The following FSTL4 variants were observed in gnomAD, a reference collection of about 807,000 sequenced individuals.
The protein encoded by FSTL4 is follistatin-related protein 4.
A neutral mutation model predicts 78.2 loss-of-function variants in FSTL4; 28 were observed. The observed-to-expected ratio is 0.36, with a 90% CI of 0.27 to 0.49. FSTL4 has a LOEUF of 0.49. Ranked by LOEUF, FSTL4 falls within the 20% of genes least tolerant of loss-of-function variation. FSTL4 has a pLI of 0.98. For missense variants in FSTL4, 922 were observed against 1,084.9 expected (o/e 0.85, Z 2.11); for synonymous variants, 422 against 440.5 (o/e 0.96, Z 0.53).
At chr5:133,384,155 G>A (rs925665630) in intron 4 of FSTL4, among the ~76,000 whole-genome samples, 6 of 152,104 alleles carry the variant, frequency 3.9e-5, no homozygotes, top group African/African-American at 7.2e-5. Context: ...GAACCCCTGC[G>A]TACTGGAGGT....
chr5:133,665,507 G>A, the FSTL4 span, among the ~76,000 whole-genome samples: 3 of 152,166 alleles, frequency 2.0e-5, no homozygotes, highest in Non-Finnish European at 2.9e-5. Context: ...TTCTAAGCCC[G>A]ACATGCCTCT....
the FSTL4 span, among the ~76,000 whole-genome samples, chr5:133,641,880 T>G: frequency 1.3e-5 from 2 of 151,946 alleles, no homozygotes; most frequent in Non-Finnish European, 2.9e-5. Context: ...CTTCTTCTTC[T>G]CCTTCTTCCC....
chr5:133,364,005 C>G (rs1755125264), intron 4 of FSTL4, among the ~76,000 whole-genome samples: 1 of 152,314 alleles, frequency 6.6e-6, no homozygotes, highest in South Asian at 2.1e-4. Flanking sequence ...CCCGTAGATG[C>G]TTTAGCCCAC....
intron 3 of FSTL4, among the ~76,000 whole-genome samples, chr5:133,543,609 G>A (rs1031672184): frequency 2.6e-5 from 4 of 151,884 alleles, no homozygotes; most frequent in African/African-American, 4.8e-5. Context: ...CCTATACCAG[G>A]CTCTTTCTGC....
rs145460035 is a variant in FSTL4 at position 133,258,287 on chromosome 5, G to A, written c.728-8711C>T. 3.9e-3 allele frequency among the ~76,000 whole-genome samples: 589 copies of A among 152,270 alleles called. 5 individuals carry two copies. The highest frequency in any genetic ancestry group is 0.014 in the African/African-American group (568 of 41,544). On this transcript the variant is annotated intron_variant, in intron 6 of 15. Transcript: ENST00000265342. The stretch of plus-strand genomic sequence containing the variant: ...CCACAAGGCACCCAGATATTTGTTC[G>A]AGCATTATCCTGGGTGTGTCTGTGA...
At chr5:133,652,163 A>G in the FSTL4 span, among the ~76,000 whole-genome samples, 3 of 152,066 alleles carry the variant, frequency 2.0e-5, no homozygotes, top group African/African-American at 4.8e-5. Flanking sequence ...GCCTGGCTAG[A>G]GGCTTATCAC....
intron 4 of FSTL4, among the ~76,000 whole-genome samples, chr5:133,383,275 C>T (rs1393242650): frequency 1.3e-5 from 2 of 152,190 alleles, no homozygotes; most frequent in Admixed American, 6.5e-5. Context: ...GGGAGAGCCA[C>T]TCTCTCAGGA....
At chr5:133,526,957 G>A (rs1759115409) in intron 3 of FSTL4, among the ~76,000 whole-genome samples, 1 of 152,072 alleles carries the variant, frequency 6.6e-6, no homozygotes, top group African/African-American at 2.4e-5. Context: ...ACCCAACAGA[G>A]CGGCAACTGG....
At chr5:133,363,172 A>C (rs1405473215) in intron 4 of FSTL4, among the ~76,000 whole-genome samples, 1 of 151,922 alleles carries the variant, frequency 6.6e-6, no homozygotes. Flanking sequence ...CATACTTCAC[A>C]GAGAAAAAAA....
At chr5:133,655,804 T>C in the FSTL4 span, among the ~76,000 whole-genome samples, 1 of 152,316 alleles carries the variant, frequency 6.6e-6, no homozygotes, top group South Asian at 2.1e-4. Flanking sequence ...ATGGAGTGCT[T>C]ACCTCATGTC....
the FSTL4 span, among the ~76,000 whole-genome samples, chr5:133,841,473 C>A: frequency 6.6e-6 from 1 of 152,174 alleles, no homozygotes; most frequent in Admixed American, 6.5e-5. Context: ...AATACAGGAG[C>A]CCGAGTTCTT....
At chr5:133,826,262 T>C in the FSTL4 span, among the ~76,000 whole-genome samples, 2 of 152,168 alleles carry the variant, frequency 1.3e-5, no homozygotes, top group Admixed American at 1.3e-4. Flanking sequence ...CTCTGATATC[T>C]AAAAAGATGC....
the FSTL4 span, among the ~76,000 whole-genome samples, chr5:133,815,072 C>T: frequency 4.6e-5 from 7 of 152,154 alleles, no homozygotes; most frequent in Admixed American, 2.0e-4. Flanking sequence ...TTTTGTGGTA[C>T]AGCCAGGGTT....
At chr5:133,741,710 C>A in the FSTL4 span, among the ~76,000 whole-genome samples, 1 of 152,192 alleles carries the variant, frequency 6.6e-6, no homozygotes, top group Non-Finnish European at 1.5e-5. Flanking sequence ...ACTCATGTAT[C>A]CACACTCCCC....
chr5:133,328,704 C>T (rs1038129858), intron 4 of FSTL4, among the ~76,000 whole-genome samples: 35 of 152,206 alleles, frequency 2.3e-4, no homozygotes, highest in African/African-American at 9.7e-5. Flanking sequence ...TCCTCCCACT[C>T]TCCCTGTCAC....
chr5:133,348,254 G>A lies in FSTL4; in HGVS notation c.410-31602C>T, dbSNP rs144076914. 4.3e-3 allele frequency among the ~76,000 whole-genome samples: 655 copies of A among 152,324 alleles called. 7 individuals carry two copies. Among genetic ancestry groups the A allele is most frequent in the African/African-American group, 0.015 (625 of 41,572 alleles). Reference sequence around the variant, plus strand: ...TTTTGAAAGGTAATTTATGTCTGAAGCTGCAAAATCTTAGCTTTTCATAGC... The same window carrying A: ...TTTTGAAAGGTAATTTATGTCTGAAACTGCAAAATCTTAGCTTTTCATAGC... On this transcript the variant is annotated intron_variant, in intron 4 of 15. Transcript: ENST00000265342.
At chr5:133,804,354 A>G in the FSTL4 span, among the ~76,000 whole-genome samples, 1 of 152,198 alleles carries the variant, frequency 6.6e-6, no homozygotes, top group Non-Finnish European at 1.5e-5. Context: ...TGCAGTGCCC[A>G]CTACACCATA....
chr5:133,488,820 T>C (rs1353563526), intron 3 of FSTL4, among the ~76,000 whole-genome samples: 1 of 152,084 alleles, frequency 6.6e-6, no homozygotes, highest in Admixed American at 6.5e-5. Context: ...CTCACCCCAA[T>C]CTCATGGGCC....
chr5:133,667,855 T>G, the FSTL4 span, among the ~76,000 whole-genome samples: 1 of 152,258 alleles, frequency 6.6e-6, no homozygotes, highest in Non-Finnish European at 1.5e-5. Context: ...TTCATCTGTT[T>G]TATCCACTGT....
Sources: allele counts gnomAD v4.1 joint callset (sites outside exome capture counted in the v4.1 genomes callset), GRCh38; gene constraint gnomAD v4.1.1; transcripts MANE v1.5; gene names NCBI Gene and HGNC (gene_info 2026-07-23, HGNC 2026-07-21).